KAZN: variants seen among roughly 807,000 people sequenced by gnomAD.
KAZN encodes kazrin.
In KAZN, 40 loss-of-function variants were observed where a neutral mutation model predicts 87.4. That is an observed-to-expected ratio of 0.46 (90% CI 0.36 to 0.60). KAZN has a LOEUF of 0.60. Ranked by LOEUF, KAZN falls within the 20% of genes least tolerant of loss-of-function variation. The pLI is 0.00. For synonymous variants in KAZN, 466 were observed against 458.3 expected, an observed-to-expected ratio of 1.02 and a Z score of -0.22; for missense variants, 898 against 1,073.9, an observed-to-expected ratio of 0.84 and a Z score of 2.29.
At chr1:14,301,598 G>C (rs1373906719) in intron 2 of KAZN, among the ~76,000 whole-genome samples, 2 of 152,204 alleles carry the variant, frequency 1.3e-5, no homozygotes, top group Non-Finnish European at 2.9e-5. Context: ...TGGGAAATTT[G>C]GCTTGAGGCT....
intron 1 of KAZN, among the ~76,000 whole-genome samples, chr1:14,621,814 C>T (rs1372413200): frequency 6.6e-6 from 1 of 151,442 alleles, no homozygotes; most frequent in Non-Finnish European, 1.5e-5. Flanking sequence ...GACTGTGAGG[C>T]CCCCCCTCAA....
intron 2 of KAZN, among the ~76,000 whole-genome samples, chr1:14,548,198 A>AT (rs1199211988): frequency 0.073 from 9,657 of 132,906 alleles, 459 homozygotes; most frequent in African/African-American, 0.12. Context: ...CTCTTCGTGC[A>AT]TTTTTTTTTT....
chr1:14,353,727 T>C (rs535691641), intron 2 of KAZN, among the ~76,000 whole-genome samples: 1 of 152,346 alleles, frequency 6.6e-6, no homozygotes, highest in African/African-American at 2.4e-5. Flanking sequence ...ATAAGTTTTT[T>C]AAAGATGTCA....
At chr1:13,894,741 G>T (rs184344962) in intron 1 of KAZN, among the ~76,000 whole-genome samples, 6 of 152,278 alleles carry the variant, frequency 3.9e-5, no homozygotes, top group African/African-American at 1.4e-4. Flanking sequence ...CCCCCTTCCT[G>T]GGGTATCCGT....
At position 14,598,838 on chromosome 1, in the gene KAZN, G is replaced by C; in HGVS notation, c.-160G>C. 1.4e-6 allele frequency: 2 copies of C among 1,402,896 alleles called. No homozygotes were observed. The highest frequency in any genetic ancestry group is 1.8e-6 in the Non-Finnish European group (2 of 1,085,328). The allele number at this position is 1,402,896 out of a possible 1,614,324, so 86.9% of individuals were successfully genotyped here. A position where few individuals can be genotyped will look rare whatever the true frequency, so the allele number is the denominator to read the frequency against. Reference sequence around the variant, plus strand: ...CTGGAGGCGCCGCTGTCATTCCTGTGCCGGAGGAACCGGCGCTGCCGGTGC... The same window carrying C: ...CTGGAGGCGCCGCTGTCATTCCTGTCCCGGAGGAACCGGCGCTGCCGGTGC... On this transcript the variant is annotated 5_prime_UTR_variant, in exon 1 of 15. Transcript: ENST00000376030. The surrounding 1 kb of genome is among the most constrained non-coding windows in gnomAD (Gnocchi z 4.2).
At chr1:14,717,709 T>C (rs1266507985) in intron 1 of KAZN, among the ~76,000 whole-genome samples, 1 of 152,208 alleles carries the variant, frequency 6.6e-6, no homozygotes, top group Non-Finnish European at 1.5e-5. Context: ...AAGTGGAACC[T>C]GAGGCCCAAG....
At chr1:14,649,598 A>G (rs556704037) in intron 1 of KAZN, among the ~76,000 whole-genome samples, 1 of 152,324 alleles carries the variant, frequency 6.6e-6, no homozygotes, top group African/African-American at 2.4e-5. Context: ...CTGCTGGTAC[A>G]TTTCCAGACA....
rs933628807 is a variant in KAZN, at chr1:14,820,163, G to C, written c.227-140521G>C. Among the ~76,000 whole-genome samples the C allele has an allele frequency of 6.6e-6, 1 of 152,184 alleles. No individual in the cohort carries two copies. Among genetic ancestry groups the C allele is most frequent in the African/African-American group, 2.4e-5 (1 of 41,436 alleles). The stretch of plus-strand genomic sequence containing the variant: ...CTTCCCAAATATGCAGATTCAGTAG[G>C]AGTGGCAGGGCCCATGAACTCACAT... On this transcript the variant is annotated intron_variant, in intron 1 of 14. Coordinates refer to ENST00000376030, the MANE Select transcript of KAZN (RefSeq NM_201628.3). The surrounding 1 kb of genome is among the most constrained non-coding windows in gnomAD (Gnocchi z 4.1).
chr1:14,006,656 C>G (rs372364072), intron 1 of KAZN, among the ~76,000 whole-genome samples: 2 of 152,084 alleles, frequency 1.3e-5, no homozygotes, highest in African/African-American at 4.8e-5. Flanking sequence ...ACTGTACATG[C>G]TTGAGTTTAC....
At chr1:14,375,079 G>A (rs1660791015) in intron 2 of KAZN, among the ~76,000 whole-genome samples, 1 of 152,168 alleles carries the variant, frequency 6.6e-6, no homozygotes, top group Non-Finnish European at 1.5e-5. Flanking sequence ...ACAGCTTCCA[G>A]CCTTTTCCAA....
At chr1:14,577,226 A>G (rs1294513074) in intron 2 of KAZN, among the ~76,000 whole-genome samples, 3 of 152,232 alleles carry the variant, frequency 2.0e-5, no homozygotes, top group African/African-American at 7.2e-5. Context: ...ATCAGATCCC[A>G]AACTGAACAT....
At chr1:14,245,675 C>T (rs1263603451) in intron 2 of KAZN, among the ~76,000 whole-genome samples, 1 of 152,104 alleles carries the variant, frequency 6.6e-6, no homozygotes, top group Non-Finnish European at 1.5e-5. Context: ...TGCCAAATTG[C>T]CTGGGAGAAA....
chr1:14,368,781 C>T (rs1660221063), intron 2 of KAZN, among the ~76,000 whole-genome samples: 1 of 152,196 alleles, frequency 6.6e-6, no homozygotes, highest in Non-Finnish European at 1.5e-5. Context: ...TAAAGCAACT[C>T]ACTCAATTTA....
At chr1:14,116,772 AG>A (rs1364399702) in intron 1 of KAZN, among the ~76,000 whole-genome samples, 5 of 152,224 alleles carry the variant, frequency 3.3e-5, no homozygotes, top group Admixed American at 3.3e-4. Flanking sequence ...AGCCTGTGAA[AG>A]CAGCCAGGAG....
intron 3 of KAZN, among the ~76,000 whole-genome samples, chr1:15,039,207 C>T (rs1186277868): frequency 1.3e-5 from 2 of 150,522 alleles, no homozygotes; most frequent in Admixed American, 6.6e-5. Context: ...AGCAATCCTT[C>T]GAGGAGTGAT....
chr1:14,487,206 T>C (rs1369572321), intron 2 of KAZN, among the ~76,000 whole-genome samples: 2 of 152,198 alleles, frequency 1.3e-5, no homozygotes, highest in African/African-American at 4.8e-5. Context: ...CCTGTTTTGT[T>C]TGACCTGGTT....
intron 2 of KAZN, among the ~76,000 whole-genome samples, chr1:14,487,944 C>T (rs1024725616): frequency 1.3e-5 from 2 of 152,112 alleles, no homozygotes; most frequent in Non-Finnish European, 2.9e-5. Flanking sequence ...GAGGGTGAGG[C>T]CTTCCAAGGA....
At chr1:14,206,407 C>T (rs1646746310) in intron 2 of KAZN, among the ~76,000 whole-genome samples, 1 of 152,118 alleles carries the variant, frequency 6.6e-6, no homozygotes, top group Non-Finnish European at 1.5e-5. Context: ...GCAGTGGCCT[C>T]ACCACACCAG....
At chr1:14,499,675 A>C (rs898248736) in intron 2 of KAZN, among the ~76,000 whole-genome samples, 6 of 152,200 alleles carry the variant, frequency 3.9e-5, no homozygotes, top group Admixed American at 1.3e-4. Flanking sequence ...ATTTCATATG[A>C]AGATGCTGAG....
Sources: gnomAD v4.1 joint callset for allele counts (sites outside exome capture counted in the v4.1 genomes callset) on GRCh38, gnomAD v4.1.1 for gene constraint, Gnocchi (gnomAD v3.1) non-coding constraint, MANE v1.5 for transcripts, NCBI Gene and HGNC (gene_info 2026-07-23, HGNC 2026-07-21) for gene names.